FTO: variants seen among roughly 807,000 people sequenced by gnomAD.
The protein encoded by FTO is alpha-ketoglutarate-dependent dioxygenase FTO.
FTO carries 47 observed loss-of-function variants against 63.9 expected under a neutral mutation model. The ratio of observed to expected loss-of-function variants is 0.74; its 90% CI spans 0.58 to 0.94. The LOEUF (loss-of-function observed/expected upper bound fraction) is 0.94. Among genes scored for constraint, FTO ranks in the 40% least tolerant of loss-of-function variants. The pLI is 0.00. For synonymous variants in FTO, 207 were observed against 224.4 expected (o/e 0.92, Z 0.69); for missense variants, 562 against 618.1 (o/e 0.91, Z 0.96).
intron 1 of FTO, among the ~76,000 whole-genome samples, chr16:53,761,440 T>C (rs945914189): frequency 3.9e-5 from 6 of 152,152 alleles, no homozygotes; most frequent in African/African-American, 1.4e-4. Flanking sequence ...CAGTGAGGTT[T>C]TGGGAAGGAG....
intron 7 of FTO, chr16:53,911,344 A>C (rs1315926733): frequency 1.4e-6 from 1 of 702,646 alleles, no homozygotes; most frequent in African/African-American, 1.7e-5. Context: ...GATAGCAGCG[A>C]GAGAGGTGAG....
In FTO at chr16:53,704,189, A is replaced by G; in HGVS notation, c.5A>G (p.Lys2Arg). Reference sequence around the variant, plus strand: ...GAAGGCGGCTTTAGTGGCAGCATGAAGCGCACCCCGACTGCCGAGGAACGA... The same window carrying G: ...GAAGGCGGCTTTAGTGGCAGCATGAGGCGCACCCCGACTGCCGAGGAACGA... The part of the protein sequence containing the change: M[K>R]RTPTAEERER... Residue 2 changes from lysine to arginine, a missense_variant, in exon 1 of 9, where the codon AAG (lysine) becomes AGG (arginine). Coordinates refer to ENST00000471389, the MANE Select transcript of FTO (RefSeq NM_001080432.3). The G allele has an allele frequency of 6.4e-7, 1 of 1,551,468 alleles. No individual in the cohort carries two copies.
chr16:53,917,240 C>T (rs939805106), intron 7 of FTO, among the ~76,000 whole-genome samples: 2 of 152,184 alleles, frequency 1.3e-5, no homozygotes, highest in Non-Finnish European at 2.9e-5. Context: ...AAAGGGAATA[C>T]ATGAGATGCT....
At chr16:54,063,868 C>G (rs1471060570) in intron 8 of FTO, 2 of 151,892 alleles carry the variant, frequency 1.3e-5, no homozygotes, top group African/African-American at 4.8e-5. Context: ...TGATCAGGAT[C>G]GCTATCGTTA....
At chr16:53,796,658 A>T (rs2078081304) in intron 1 of FTO, among the ~76,000 whole-genome samples, 1 of 152,192 alleles carries the variant, frequency 6.6e-6, no homozygotes, top group South Asian at 2.1e-4. Context: ...AGAAGTAGAA[A>T]ATCTGAATAA....
intron 1 of FTO, among the ~76,000 whole-genome samples, chr16:53,705,270 G>A (rs1010809539): frequency 6.6e-6 from 1 of 152,026 alleles, no homozygotes; most frequent in Non-Finnish European, 1.5e-5. Context: ...AATATTCCAT[G>A]GCTTTCTGTT....
intron 4 of FTO, among the ~76,000 whole-genome samples, chr16:53,857,440 G>GTCTCTCTC (rs147635985): frequency 0.056 from 7,929 of 141,972 alleles, 707 homozygotes; most frequent in African/African-American, 0.19. Flanking sequence ...TGAGAACCTG[G>GTCTCTCTC]TCTCTCTCTC....
At chr16:54,106,123 C>T (rs1370509184) in intron 8 of FTO, among the ~76,000 whole-genome samples, 2 of 152,096 alleles carry the variant, frequency 1.3e-5, no homozygotes, top group Non-Finnish European at 2.9e-5. Context: ...ATAATTAACA[C>T]ACACTTTAGC....
intron 1 of FTO, among the ~76,000 whole-genome samples, chr16:53,771,750 G>A (rs1441465775): frequency 1.3e-5 from 2 of 151,964 alleles, no homozygotes; most frequent in Non-Finnish European, 2.9e-5. Context: ...ATTAAAATGT[G>A]GCATAACCAT....
At chr16:53,932,782 T>C (rs2082312834) in intron 7 of FTO, among the ~76,000 whole-genome samples, 1 of 152,164 alleles carries the variant, frequency 6.6e-6, no homozygotes, top group Non-Finnish European at 1.5e-5. Flanking sequence ...CTCGGAAAGT[T>C]CTGGAAACTA....
intron 8 of FTO, among the ~76,000 whole-genome samples, chr16:54,097,767 G>A (rs1457850708): frequency 6.6e-6 from 1 of 152,146 alleles, no homozygotes; most frequent in African/African-American, 2.4e-5. Flanking sequence ...CACACAAATG[G>A]CATCAAGTGC....
chr16:54,002,549 G>A (rs967232881), intron 8 of FTO, among the ~76,000 whole-genome samples: 8 of 152,332 alleles, frequency 5.3e-5, no homozygotes, highest in Non-Finnish European at 7.3e-5. Flanking sequence ...GAGGAAAGCA[G>A]CACAGGCGTT....
chr16:53,880,292 T>C (rs1278359036), intron 6 of FTO, among the ~76,000 whole-genome samples: 1 of 152,188 alleles, frequency 6.6e-6, no homozygotes, highest in East Asian at 1.9e-4. Context: ...CCACTGTGCC[T>C]GGCAAGACTT....
At position 54,116,496 on chromosome 16, in the gene FTO, T is replaced by A. The variant is rs714461; in HGVS notation, c.*4581T>A. ...GATTAAATGGTATTTTTAATTAAGT[T>A]TCATTGGGAGCCATAGGTATCGCGG... is the stretch of plus-strand genomic sequence containing the variant. On this transcript the variant is annotated 3_prime_UTR_variant, in exon 9 of 9. Coordinates refer to ENST00000471389, the MANE Select transcript of FTO (RefSeq NM_001080432.3). The A allele has an allele frequency of 0.11, 16,404 of 152,152 alleles. 1,087 individuals are homozygous for A. The highest frequency in any genetic ancestry group is 0.18 in the South Asian group (846 of 4,804). 9.4% of individuals were successfully genotyped at this position (152,152 alleles called of 1,614,324 possible). A position where few individuals can be genotyped will look rare whatever the true frequency, so the allele number is the denominator to read the frequency against.
chr16:54,029,492 T>TC (rs2084783555), intron 8 of FTO, among the ~76,000 whole-genome samples: 1 of 152,182 alleles, frequency 6.6e-6, no homozygotes, highest in Non-Finnish European at 1.5e-5. Context: ...ACACTCCCCC[T>TC]TTTTTCTAGT....
At chr16:53,869,975 T>A (rs2080449532) in intron 4 of FTO, among the ~76,000 whole-genome samples, 1 of 152,124 alleles carries the variant, frequency 6.6e-6, no homozygotes, top group Admixed American at 6.6e-5. Flanking sequence ...GCAGTAATAA[T>A]GTGGTGGTAA....
rs190891697 is a variant in FTO, at chr16:53,792,165, G to T, written c.46-17975G>T. Among the ~76,000 whole-genome samples the T allele has an allele frequency of 4.3e-4, 66 of 152,238 alleles. 1 individual carries two copies. Among genetic ancestry groups the T allele is most frequent in the African/African-American group, 1.5e-3 (64 of 41,560 alleles). On this transcript the variant is annotated intron_variant, in intron 1 of 8. Coordinates refer to ENST00000471389, the MANE Select transcript of FTO (RefSeq NM_001080432.3). ...GAGAATGGATAAATGGAAACAAAGA[G>T]AAATACCTATTTTGTATTATAAACC... is the stretch of plus-strand genomic sequence containing the variant.
intron 7 of FTO, among the ~76,000 whole-genome samples, chr16:53,910,858 A>G (rs149130183): frequency 7.2e-5 from 11 of 152,300 alleles, no homozygotes; most frequent in Non-Finnish European, 1.2e-4. Context: ...AGATAGGTAC[A>G]TAGAATTCAC....
At chr16:53,858,730 G>T (rs959297600) in intron 4 of FTO, among the ~76,000 whole-genome samples, 2 of 151,492 alleles carry the variant, frequency 1.3e-5, no homozygotes, top group Admixed American at 1.3e-4. Context: ...GTGGGATCTC[G>T]GCTCACTGCA....
Sources: gnomAD v4.1 joint callset for allele counts (sites outside exome capture counted in the v4.1 genomes callset) on GRCh38, gnomAD v4.1.1 for gene constraint, MANE v1.5 for transcripts, NCBI Gene and HGNC (gene_info 2026-07-23, HGNC 2026-07-21) for gene names.